The following ZP3 variants were observed in gnomAD, a reference collection of about 807,000 sequenced individuals.
ZP3 encodes zona pellucida sperm-binding protein 3.
In ZP3, 21 loss-of-function variants were observed where a neutral mutation model predicts 35.6. The observed-to-expected ratio is 0.59, with a 90% confidence interval of 0.42 to 0.85. The LOEUF is 0.85. Ranked by LOEUF, ZP3 falls within the 40% of genes least tolerant of loss-of-function variation. The pLI is 0.00. For synonymous variants in ZP3, 207 were observed against 214.5 expected (o/e 0.96, Z 0.31); for missense variants, 437 against 536.5 (o/e 0.81, Z 1.83).
chr7:76,410,022 CT>C (rs926527249), intron 1 of ZP3, among the ~76,000 whole-genome samples: 2 of 151,460 alleles, frequency 1.3e-5, no homozygotes, highest in Non-Finnish European at 1.5e-5. Context: ...ATTTTGCCTT[CT>C]TTTTTTTTCT....
chr7:76,414,455 T>C (rs1349931934), intron 1 of ZP3, among the ~76,000 whole-genome samples: 1 of 152,046 alleles, frequency 6.6e-6, no homozygotes, highest in African/African-American at 2.4e-5. Context: ...TCAAAGACCC[T>C]TTGGGAGCAG....
chr7:76,408,631 A>T (rs1301865904), intron 1 of ZP3, among the ~76,000 whole-genome samples: 1 of 151,934 alleles, frequency 6.6e-6, no homozygotes, highest in Non-Finnish European at 1.5e-5. Context: ...AGGACCCCCG[A>T]TCCTGATCCC....
intron 1 of ZP3, among the ~76,000 whole-genome samples, chr7:76,410,361 T>C (rs1271840354): frequency 6.6e-6 from 1 of 151,704 alleles, no homozygotes; most frequent in Non-Finnish European, 1.5e-5. Flanking sequence ...GTTCTTTTTT[T>C]TTTTTTTGAG....
At chr7:76,436,032 T>C (rs866457780) in intron 5 of ZP3, among the ~76,000 whole-genome samples, 2,492 of 13,578 alleles carry the variant, frequency 0.18, 1 homozygote, top group African/African-American at 0.27. Context: ...CCCGCCCCCT[T>C]TTTTTTTTTT....
chr7:76,408,943 T>A (rs1805135099), intron 1 of ZP3, among the ~76,000 whole-genome samples: 3 of 152,172 alleles, frequency 2.0e-5, no homozygotes, highest in Admixed American at 2.0e-4. Context: ...ACCTTCACCT[T>A]GCAAAGCCTC....
rs1230801238 is a variant in ZP3, at chr7:76,433,103, TC to T, written c.535+74del. On this transcript the variant is annotated intron_variant, in intron 3 of 7. Transcript: ENST00000394857. ...TCTCAGACCCCTGCCCTTGGCTGTG[TC>T]TTTTTTTTGTTTGTTTGGTTTTGGT... is the stretch of plus-strand genomic sequence containing the variant. The T allele has an allele frequency of 6.6e-6, 8 of 1,211,980 alleles. No homozygotes were observed. The African/African-American group carries it at 1.2e-4, about 18-fold the overall frequency. The allele number at this position is 1,211,980 out of a possible 1,614,324, so 75.1% of individuals were successfully genotyped here.
upstream of ZP3, among the ~76,000 whole-genome samples, chr7:76,420,439 T>C (rs961015288): frequency 6.6e-6 from 1 of 152,214 alleles, no homozygotes; most frequent in Non-Finnish European, 1.5e-5. Context: ...GGGATCTTGA[T>C]AGAAATTACA....
intron 5 of ZP3, among the ~76,000 whole-genome samples, chr7:76,436,966 AT>A (rs1223337428): frequency 6.6e-6 from 1 of 151,660 alleles, no homozygotes; most frequent in East Asian, 1.9e-4. Context: ...CAAAGGTAGG[AT>A]TGATGATGCC....
At chr7:76,417,533 C>G (rs539056756) in intron 1 of ZP3, among the ~76,000 whole-genome samples, 1 of 152,108 alleles carries the variant, frequency 6.6e-6, no homozygotes, top group Non-Finnish European at 1.5e-5. Flanking sequence ...TTTGTGATTC[C>G]TCTTATTTTC....
intron 1 of ZP3, among the ~76,000 whole-genome samples, chr7:76,416,442 C>A (rs997132238): frequency 5.3e-5 from 8 of 152,016 alleles, no homozygotes; most frequent in Admixed American, 1.3e-4. Flanking sequence ...AATAAAAAGC[C>A]AAAATATTGT....
intron 1 of ZP3, among the ~76,000 whole-genome samples, chr7:76,419,283 G>A (rs1380785983): frequency 2.0e-5 from 3 of 152,180 alleles, no homozygotes; most frequent in Admixed American, 2.0e-4. Flanking sequence ...CTGCCCTGAA[G>A]ATCATATTTT....
chr7:76,423,025 G>GAGAGAGAAAGAAAGAAAGAAAGAA (rs1278384225), upstream of ZP3, among the ~76,000 whole-genome samples: 3 of 75,846 alleles, frequency 4.0e-5, no homozygotes, highest in Admixed American at 1.6e-4. Context: ...GAGAGAGAGA[G>GAGAGAGAAAGAAAGAAAGAAAGAA]AGAAAGAAAG....
chr7:76,437,998 G>A (rs1472322885), intron 5 of ZP3, among the ~76,000 whole-genome samples: 3 of 152,214 alleles, frequency 2.0e-5, no homozygotes, highest in African/African-American at 7.2e-5. Flanking sequence ...AAACTGGCTT[G>A]TTTCTAAAAG....
chr7:76,426,082 C>CAAA (rs368396750), intron 1 of ZP3, among the ~76,000 whole-genome samples: 4 of 121,804 alleles, frequency 3.3e-5, no homozygotes, highest in African/African-American at 1.3e-4. Flanking sequence ...GACTCTGGCT[C>CAAA]AAAAAAAAAA....
At position 76,442,034 on chromosome 7, in the gene ZP3, A is replaced by G. The variant is rs201964956; in HGVS notation, c.1253A>G (p.His418Arg). Residue 418 changes from histidine to arginine, a missense_variant, in exon 8 of 8, where the codon CAC (histidine) becomes CGC (arginine). His to Arg is a conservative substitution (Grantham distance 29). Transcript: ENST00000394857. ...VLTRRCRTAS[H>R]PVSASE ...ACCAGGAGGTGTCGCACTGCCTCCC[A>G]CCCTGTGTCTGCTTCCGAATAAAAG... The G allele has an allele frequency of 1.6e-5, 13 of 823,466 alleles. No individual in the cohort carries two copies. In the African/African-American group the frequency reaches 2.6e-4, roughly 17 times the overall value. 51.0% of individuals were successfully genotyped at this position (823,466 alleles called of 1,614,324 possible). A position where few individuals can be genotyped will look rare whatever the true frequency, so the allele number is the denominator to read the frequency against.
intron 1 of ZP3, among the ~76,000 whole-genome samples, chr7:76,403,188 C>T (rs975507540): frequency 2.6e-5 from 4 of 152,152 alleles, no homozygotes; most frequent in African/African-American, 7.2e-5. Context: ...GGAGAGGAAA[C>T]AGGGAAGTGA....
At chr7:76,431,713 C>T (rs1029532763) in intron 2 of ZP3, among the ~76,000 whole-genome samples, 7 of 152,128 alleles carry the variant, frequency 4.6e-5, no homozygotes, top group East Asian at 1.9e-4. Flanking sequence ...TCCTGGCTAA[C>T]GTGGTGAAAC....
chr7:76,425,504 C>G (rs1054124080), intron 1 of ZP3, among the ~76,000 whole-genome samples: 1 of 152,056 alleles, frequency 6.6e-6, no homozygotes, highest in Non-Finnish European at 1.5e-5. Context: ...CAGAGGTGGC[C>G]GTGCACTTCA....
chr7:76,423,025 G>GA (rs1554624492), upstream of ZP3, among the ~76,000 whole-genome samples: 2 of 75,806 alleles, frequency 2.6e-5, no homozygotes, highest in Non-Finnish European at 5.4e-5. Flanking sequence ...GAGAGAGAGA[G>GA]AGAAAGAAAG....
Sources: gnomAD v4.1 joint callset for allele counts (sites outside exome capture counted in the v4.1 genomes callset) on GRCh38, gnomAD v4.1.1 for gene constraint, MANE v1.5 for transcripts, NCBI Gene and HGNC (gene_info 2026-07-23, HGNC 2026-07-21) for gene names.